SF3B3: variants seen among roughly 807,000 people sequenced by gnomAD.
The protein encoded by SF3B3 is SAP 130.
A neutral mutation model predicts 139.2 loss-of-function variants in SF3B3; 33 were observed. The observed-to-expected ratio is 0.24, with a 90% confidence interval of 0.18 to 0.32. SF3B3 has a LOEUF of 0.32. Among genes scored for constraint, SF3B3 ranks in the 10% least tolerant of loss-of-function variants. The pLI is 1.00. For missense variants in SF3B3, 818 were observed against 1,509.4 expected (o/e 0.54, Z 7.59); for synonymous variants, 596 against 563.6 (o/e 1.06, Z -0.81).
chr16:70,547,039 ATT>A (rs1555500098), intron 10 of SF3B3, among the ~76,000 whole-genome samples: 5 of 151,372 alleles, frequency 3.3e-5, no homozygotes, highest in African/African-American at 1.2e-4. Flanking sequence ...AAAAAAAAAA[ATT>A]TTTTTTTAAA....
At chr16:70,562,039 T>A (rs976480667) in intron 17 of SF3B3, among the ~76,000 whole-genome samples, 35 of 152,208 alleles carry the variant, frequency 2.3e-4, no homozygotes, top group Non-Finnish European at 1.6e-4. Flanking sequence ...AGATTTCAGA[T>A]TTTTGTTTTC....
chr16:70,527,700 G>A (rs567290649), intron 2 of SF3B3, among the ~76,000 whole-genome samples: 4 of 152,308 alleles, frequency 2.6e-5, no homozygotes, highest in South Asian at 4.1e-4. Flanking sequence ...ATCTCAGCTG[G>A]AGTTTGGATA....
At chr16:70,565,345 C>T in intron 19 of SF3B3, 23 bp from the exon 20 acceptor site, 1 of 1,613,970 alleles carries the variant, frequency 6.2e-7, no homozygotes. Context: ...AGGCCTTACT[C>T]TTGCTTCTTA....
chr16:70,560,444 C>T (rs747856537), intron 15 of SF3B3, 25 bp from the exon 16 acceptor site: 19 of 1,610,872 alleles, frequency 1.2e-5, no homozygotes, highest in East Asian at 8.9e-5. Flanking sequence ...CATCAGGCTT[C>T]ACCTGCTCCT....
chr16:70,566,011 G>T (rs900731807), intron 20 of SF3B3, among the ~76,000 whole-genome samples: 3 of 152,048 alleles, frequency 2.0e-5, no homozygotes, highest in African/African-American at 4.8e-5. Context: ...CAGCTGCTCG[G>T]GAGGCTAAGA....
intron 2 of SF3B3, 83 bp downstream of exon 2, chr16:70,526,809 C>A: frequency 1.0e-6 from 1 of 958,042 alleles, no homozygotes; most frequent in Non-Finnish European, 1.6e-6. Context: ...GAAATGTTTT[C>A]CATTTATGAC....
chr16:70,559,737 G>C (rs574563820), intron 15 of SF3B3, among the ~76,000 whole-genome samples: 1 of 151,560 alleles, frequency 6.6e-6, no homozygotes, highest in South Asian at 2.1e-4. Flanking sequence ...TCATAAACTT[G>C]TGGATTTTTA....
chr16:70,565,001 C>T (rs1293606668), intron 18 of SF3B3, 64 bp from the exon 19 acceptor site: 6 of 1,491,520 alleles, frequency 4.0e-6, no homozygotes, highest in Non-Finnish European at 5.6e-6. Flanking sequence ...TGCTACCTAT[C>T]CTCTTCTCAG....
chr16:70,569,868 C>A, intron 23 of SF3B3, 138 bp from the exon 24 acceptor site: 1 of 908,584 alleles, frequency 1.1e-6, no homozygotes, highest in African/African-American at 1.7e-5. Flanking sequence ...CTCAAGCAAT[C>A]CTCCCACGTT....
At chr16:70,530,960 AG>A (rs2050115156) in intron 4 of SF3B3, 43 bp downstream of exon 4, 1 of 1,543,616 alleles carries the variant, frequency 6.5e-7, no homozygotes, top group Non-Finnish European at 8.8e-7. Flanking sequence ...CAGTCACCTC[AG>A]TGTTTTTTTT....
At position 70,548,456 on chromosome 16, in the gene SF3B3, T is replaced by C. The variant is rs2050289678; in HGVS notation, c.1402+14T>C. ...GACACATTGAAGGTAAGCAGCTTTT[T>C]CCCAATAGTCAAAATGAGGATCTAG... On this transcript the variant is annotated intron_variant, in intron 11 of 25. Transcript: ENST00000302516. The C allele has an allele frequency of 3.1e-6, 5 of 1,611,438 alleles. No homozygotes were observed. Among genetic ancestry groups the C allele is most frequent in the African/African-American group, 1.3e-5 (1 of 74,854 alleles).
intron 22 of SF3B3, 88 bp downstream of exon 22, chr16:70,568,583 C>A: frequency 5.8e-6 from 6 of 1,028,242 alleles, no homozygotes; most frequent in South Asian, 1.4e-5. Context: ...GGAATCAAAT[C>A]TGAGAAGTAA....
intron 8 of SF3B3, among the ~76,000 whole-genome samples, chr16:70,540,054 C>T (rs1003221152): frequency 6.7e-6 from 1 of 149,728 alleles, no homozygotes; most frequent in East Asian, 2.1e-4. Context: ...GGATTACAGG[C>T]GTGAGCCACT....
At chr16:70,537,771 G>T (rs2050181906) in intron 6 of SF3B3, among the ~76,000 whole-genome samples, 3 of 152,086 alleles carry the variant, frequency 2.0e-5, no homozygotes, top group African/African-American at 7.2e-5. Flanking sequence ...AATAGAAACT[G>T]TTGGAAACGT....
intron 15 of SF3B3, among the ~76,000 whole-genome samples, chr16:70,557,654 T>C (rs1449850725): frequency 6.6e-6 from 1 of 152,154 alleles, no homozygotes; most frequent in Non-Finnish European, 1.5e-5. Flanking sequence ...AGAGGGTTGT[T>C]GTTATTTTTT....
rs755203313 is a variant in SF3B3 at position 70,565,201 on chromosome 16, G to A, written c.2600G>A (p.Arg867Gln). Residue 867 changes from arginine to glutamine, a missense_variant, in exon 19 of 26, where the codon CGA (arginine) becomes CAA (glutamine). Arg to Gln is a conservative substitution (Grantham distance 43). This residue lies in a region of SF3B3 where 145 missense variants were observed against 153.6 expected (regional missense o/e 0.94). Coordinates refer to ENST00000302516, the MANE Select transcript of SF3B3 (RefSeq NM_012426.5). Reference sequence around the variant, plus strand: ...AATGGGCAGTGGGCCTCTGTGATCCGAGTGATGAATCCCATTCAAGGGAAC... The same window carrying A: ...AATGGGCAGTGGGCCTCTGTGATCCAAGTGATGAATCCCATTCAAGGGAAC... ...AGNGQWASVIRVMNPIQGNTL... is the reference protein window; with the variant it reads ...AGNGQWASVIQVMNPIQGNTL... The A allele has an allele frequency of 9.3e-6, 15 of 1,614,042 alleles. No individual in the cohort carries two copies. The highest frequency in any genetic ancestry group is 3.3e-4 in the Middle Eastern group (2 of 6,084).
rs943648583 is a variant in SF3B3, at chr16:70,576,213, C to T, written c.*4400C>T. The T allele has an allele frequency of 6.6e-6, 1 of 152,144 alleles. No homozygotes were observed. Among genetic ancestry groups the T allele is most frequent in the Middle Eastern group, 3.4e-3 (1 of 296 alleles). The allele number at this position is 152,144 out of a possible 1,614,324, so 9.4% of individuals were successfully genotyped here. On this transcript the variant is annotated 3_prime_UTR_variant, in exon 26 of 26. Transcript: ENST00000302516. The stretch of plus-strand genomic sequence containing the variant: ...TGTTCAAAATGAAGAAAAAAAATAT[C>T]AAAGAAAACCAGGTTTGGAAGTTTC...
At position 70,568,450 on chromosome 16, in the gene SF3B3, C is replaced by T; in HGVS notation, c.3120C>T (p.Asp1040=). ...PRWVTTASLL[D]YDTVAGADKF... ...GGGTCACTACAGCCAGCCTCCTGGACTATGACACTGTGGCTGGGGCAGACA... is the reference window on the plus strand; with the variant it reads ...GGGTCACTACAGCCAGCCTCCTGGATTATGACACTGTGGCTGGGGCAGACA... The change falls in exon 22 of 26, where the codon GAC becomes GAT. Residue 1040 remains aspartate (D), a synonymous_variant. Transcript: ENST00000302516. 1 of 1,614,040 alleles carries T rather than the reference C, an allele frequency of 6.2e-7. No individual in the cohort carries two copies. The highest frequency in any genetic ancestry group is 8.5e-7 in the Non-Finnish European group (1 of 1,179,910).
chr16:70,568,546 T>C, intron 22 of SF3B3, 51 bp downstream of exon 22: 1 of 1,470,128 alleles, frequency 6.8e-7, no homozygotes, highest in Non-Finnish European at 9.4e-7. Flanking sequence ...GAAAGCTGGC[T>C]CAGTTTCTTG....
Sources: gnomAD v4.1 joint callset for allele counts (sites outside exome capture counted in the v4.1 genomes callset) on GRCh38, gnomAD v4.1.1 for gene constraint, gnomAD v4.1.1 regional missense constraint, MANE v1.5 for transcripts, NCBI Gene and HGNC (gene_info 2026-07-23, HGNC 2026-07-21) for gene names.